Variants in ANO3 observed in about 807,000 individuals in gnomAD.
ANO3 encodes the protein anoctamin 3.
Under a neutral mutation model 144.8 loss-of-function variants are expected in ANO3, and 99 were observed. That is an observed-to-expected ratio of 0.68 (90% CI 0.58 to 0.81). The LOEUF (loss-of-function observed/expected upper bound fraction) is 0.81. Ranked by LOEUF, ANO3 falls within the 30% of genes least tolerant of loss-of-function variation. The pLI is 0.00. For synonymous variants in ANO3, 414 were observed against 392.6 expected, an observed-to-expected ratio of 1.05 and a Z score of -0.64; for missense variants, 905 against 1,202.2, an observed-to-expected ratio of 0.75 and a Z score of 3.66.
At chr11:26,278,105 G>A (rs992475888) in intron 1 of ANO3, among the ~76,000 whole-genome samples, 2 of 152,006 alleles carry the variant, frequency 1.3e-5, no homozygotes, top group Non-Finnish European at 2.9e-5. Context: ...CTCTTTCTCT[G>A]CTTCTGTGTG....
intron 14 of ANO3, among the ~76,000 whole-genome samples, chr11:26,586,388 C>T (rs1226936160): frequency 2.2e-5 from 3 of 134,618 alleles, no homozygotes; most frequent in Non-Finnish European, 4.6e-5. Flanking sequence ...GACGGAGTCT[C>T]ACTTTGTCGT....
intron 10 of ANO3, among the ~76,000 whole-genome samples, chr11:26,539,753 G>A (rs902582715): frequency 8.5e-5 from 13 of 152,130 alleles, no homozygotes; most frequent in African/African-American, 2.7e-4. Context: ...TATCAAATGC[G>A]TAAAATACCT....
intron 8 of ANO3, among the ~76,000 whole-genome samples, chr11:26,531,627 A>T (rs766893003): frequency 2.6e-5 from 4 of 152,154 alleles, no homozygotes; most frequent in Non-Finnish European, 4.4e-5. Context: ...ACTCAGTTAA[A>T]ATAACAATAA....
intron 14 of ANO3, chr11:26,562,894 T>C (rs1329385057): frequency 4.2e-6 from 2 of 481,598 alleles, no homozygotes; most frequent in African/African-American, 4.0e-5. Flanking sequence ...CCAATTTTGA[T>C]GCAGTGAGCA....
At chr11:26,532,212 A>C (rs914956897) in intron 8 of ANO3, among the ~76,000 whole-genome samples, 1 of 152,152 alleles carries the variant, frequency 6.6e-6, no homozygotes, top group Non-Finnish European at 1.5e-5. Flanking sequence ...TTATCTCATT[A>C]CTTATTCTTG....
intron 1 of ANO3, among the ~76,000 whole-genome samples, chr11:26,326,502 A>AT (rs948195564): frequency 5.3e-5 from 8 of 152,262 alleles, no homozygotes; most frequent in Non-Finnish European, 8.8e-5. Context: ...TATTAGAATC[A>AT]TTTTTCTCAG....
At chr11:26,572,758 A>G (rs1414909869) in intron 14 of ANO3, among the ~76,000 whole-genome samples, 2 of 152,170 alleles carry the variant, frequency 1.3e-5, no homozygotes, top group East Asian at 3.9e-4. Context: ...GAGGTGTTAC[A>G]TGAAAAATAA....
intron 20 of ANO3, among the ~76,000 whole-genome samples, 178 bp from the exon 21 acceptor site, chr11:26,638,966 C>G (rs1853056465): frequency 6.6e-6 from 1 of 152,096 alleles, no homozygotes; most frequent in Non-Finnish European, 1.5e-5. Flanking sequence ...GTTATAATTA[C>G]TGAAGAATTC....
intron 1 of ANO3, among the ~76,000 whole-genome samples, chr11:26,192,727 C>G (rs1261917779): frequency 2.6e-5 from 4 of 152,060 alleles, no homozygotes; most frequent in Non-Finnish European, 5.9e-5. Flanking sequence ...TGAGGGGGAG[C>G]AGGACAGCCG....
chr11:26,583,989 T>C (rs1590587069), intron 14 of ANO3, among the ~76,000 whole-genome samples: 1 of 152,194 alleles, frequency 6.6e-6, no homozygotes, highest in East Asian at 1.9e-4. Flanking sequence ...ACTGACCCCT[T>C]TCCCTGACCC....
Position 26,627,814 on chromosome 11 carries a change from AGTGTGT to A in ANO3, c.1873+3352_1873+3357del, listed in dbSNP as rs72002807. 2.9e-3 allele frequency among the ~76,000 whole-genome samples: 375 copies of A among 131,264 alleles called. 4 individuals are homozygous for A. Among genetic ancestry groups the A allele is most frequent in the East Asian group, 0.021 (89 of 4,336 alleles). The allele number at this position is 131,264 out of a possible 152,430, so 86.1% of individuals were successfully genotyped here. On this transcript the variant is annotated intron_variant, in intron 18 of 26. Transcript: ENST00000256737. ...TAGTTTGATTAAAATAATAGAATCT[AGTGTGT>A]GTGTGTGTGTGTGTGTGTGTGTGTG... is the stretch of plus-strand genomic sequence containing the variant.
chr11:26,387,824 C>T (rs1411079395), intron 1 of ANO3, among the ~76,000 whole-genome samples: 1 of 152,020 alleles, frequency 6.6e-6, no homozygotes, highest in African/African-American at 2.4e-5. Context: ...CACCAGGGGT[C>T]AATATGTCCG....
chr11:26,571,738 T>C (rs1362251179), intron 14 of ANO3, among the ~76,000 whole-genome samples: 1 of 152,192 alleles, frequency 6.6e-6, no homozygotes, highest in African/African-American at 2.4e-5. Flanking sequence ...AAGAAAATTC[T>C]ATTTCATAGT....
chr11:26,295,165 C>T (rs1443839532), intron 1 of ANO3, among the ~76,000 whole-genome samples: 1 of 151,946 alleles, frequency 6.6e-6, no homozygotes, highest in East Asian at 1.9e-4. Flanking sequence ...CCACCCGCCT[C>T]GGCCTCCTAG....
chr11:26,639,111 C>T, intron 20 of ANO3, 33 bp from the exon 21 acceptor site: 11 of 1,450,002 alleles, frequency 7.6e-6, no homozygotes, highest in Non-Finnish European at 1.1e-5. Context: ...GGAAGAAGAC[C>T]AATATCATTA....
chr11:26,599,239 T>C (rs765248408), intron 16 of ANO3, among the ~76,000 whole-genome samples: 2 of 152,128 alleles, frequency 1.3e-5, no homozygotes, highest in Non-Finnish European at 2.9e-5. Flanking sequence ...TAAGATAAAA[T>C]GGAAATTATA....
At chr11:26,482,165 T>C (rs1182932879) in intron 4 of ANO3, among the ~76,000 whole-genome samples, 2 of 152,106 alleles carry the variant, frequency 1.3e-5, no homozygotes, top group African/African-American at 4.8e-5. Flanking sequence ...TCCAAAGTTC[T>C]GGGGTCACAG....
At chr11:26,571,928 T>C (rs897119030) in intron 14 of ANO3, 1 of 284,994 alleles carries the variant, frequency 3.5e-6, no homozygotes, top group African/African-American at 2.3e-5. Context: ...TGCCAGGCTG[T>C]TCTGTCAAAG....
chr11:26,628,514 A>C (rs979541905), intron 18 of ANO3, among the ~76,000 whole-genome samples: 14 of 152,206 alleles, frequency 9.2e-5, no homozygotes, highest in Admixed American at 9.2e-4. Flanking sequence ...TCCTCCTCTG[A>C]GTTAAAAACC....
Sources: allele counts gnomAD v4.1 joint callset (sites outside exome capture counted in the v4.1 genomes callset), GRCh38; gene constraint gnomAD v4.1.1; transcripts MANE v1.5; gene names NCBI Gene and HGNC (gene_info 2026-07-23, HGNC 2026-07-21).